Variants in JARID2 observed in about 807,000 individuals in gnomAD.
JARID2 encodes the protein protein Jumonji.
In JARID2, 21 loss-of-function variants were observed where a neutral mutation model predicts 125.6. That is an observed-to-expected ratio of 0.17 (90% CI 0.12 to 0.24). JARID2 has a LOEUF of 0.24. Ranked by LOEUF, JARID2 falls within the 10% of genes least tolerant of loss-of-function variation. The pLI is 1.00. For synonymous variants in JARID2, 736 were observed against 661.6 expected (o/e 1.11, Z -1.73); for missense variants, 1,303 against 1,639.6 (o/e 0.79, Z 3.55).
rs1217645816 is a variant in JARID2 at position 15,248,633 on chromosome 6, G to T, written c.45+2049G>T. 4 of 151,504 alleles carry T rather than the reference G, an allele frequency of 2.6e-5. No individual in the cohort carries two copies. In the East Asian group the frequency reaches 5.9e-4, roughly 22 times the overall value. 9.4% of individuals were successfully genotyped at this position (151,504 alleles called of 1,614,324 possible). A position where few individuals can be genotyped will look rare whatever the true frequency, so the allele number is the denominator to read the frequency against. Reference sequence around the variant, plus strand: ...CGAGACGTCAGCGCGCCCCCTCTCCGCCCCCCGGTTCTTCCCCCGCCGCGC... The same window carrying T: ...CGAGACGTCAGCGCGCCCCCTCTCCTCCCCCCGGTTCTTCCCCCGCCGCGC... On this transcript the variant is annotated intron_variant, in intron 1 of 17. Transcript: ENST00000341776.
rs112303618 is a variant in JARID2, at chr6:15,520,689, G to GCACACA, written c.*450_*455dup. On this transcript the variant is annotated 3_prime_UTR_variant, in exon 18 of 18. Coordinates refer to ENST00000341776, the MANE Select transcript of JARID2 (RefSeq NM_004973.4). ...TTTAGAAGGGATAGGAGACACACGC[G>GCACACA]CACACACACACACACACGAAACTTG... 4.1e-5 allele frequency: 16 copies of GCACACA among 391,926 alleles called. No individual in the cohort carries two copies. Among genetic ancestry groups the GCACACA allele is most frequent in the Admixed American group, 8.3e-5 (3 of 36,320 alleles). The allele number at this position is 391,926 out of a possible 1,614,324, so 24.3% of individuals were successfully genotyped here.
chr6:15,295,414 C>T (rs192558185), intron 1 of JARID2, among the ~76,000 whole-genome samples: 601 of 152,190 alleles, frequency 3.9e-3, no homozygotes, highest in Middle Eastern at 6.8e-3. Flanking sequence ...AGCCACTGCT[C>T]CTGTCATTTC....
chr6:15,320,874 G>GTGTGTGTA (rs1265024179), intron 1 of JARID2, among the ~76,000 whole-genome samples: 5 of 151,874 alleles, frequency 3.3e-5, no homozygotes, highest in African/African-American at 1.2e-4. Context: ...GTGTGTGTGT[G>GTGTGTGTA]TGTGTGTGTT....
chr6:15,259,990 T>C (rs1176742372), intron 1 of JARID2, among the ~76,000 whole-genome samples: 2 of 152,206 alleles, frequency 1.3e-5, no homozygotes, highest in African/African-American at 2.4e-5. Context: ...GTGTTTTTGC[T>C]TTTGGTTTGA....
chr6:15,520,172 G>T lies in JARID2; in HGVS notation c.3662G>T (p.Arg1221Leu). The change falls in exon 18 of 18, where the codon CGC becomes CTC. Residue 1221 changes from arginine to leucine, a missense_variant. Transcript: ENST00000341776. ...AAACCCACACCAAAAAGAGGTCCCC[G>T]CAAGAGAGCGACAGTGGACGTGCCC... is the stretch of plus-strand genomic sequence containing the variant. ...LSKPTPKRGPRKRATVDVPPS... is the reference protein window; with the variant it reads ...LSKPTPKRGPLKRATVDVPPS... 1 of 1,614,000 alleles carries T rather than the reference G, an allele frequency of 6.2e-7. No homozygotes were observed. The highest frequency in any genetic ancestry group is 8.5e-7 in the Non-Finnish European group (1 of 1,179,946).
chr6:15,455,829 A>C (rs1467455740), intron 4 of JARID2, among the ~76,000 whole-genome samples: 1 of 152,226 alleles, frequency 6.6e-6, no homozygotes, highest in Non-Finnish European at 1.5e-5. Flanking sequence ...TGCCCGGCGA[A>C]GCCAGGTTCT....
At chr6:15,505,667 C>A (rs1367102817) in intron 9 of JARID2, among the ~76,000 whole-genome samples, 2 of 152,262 alleles carry the variant, frequency 1.3e-5, no homozygotes, top group East Asian at 1.9e-4. Flanking sequence ...TCTCTGCTTA[C>A]GTGCAGGGGC....
At chr6:15,415,231 G>A (rs935808048) in intron 3 of JARID2, among the ~76,000 whole-genome samples, 6 of 152,294 alleles carry the variant, frequency 3.9e-5, no homozygotes, top group Non-Finnish European at 5.9e-5. Flanking sequence ...CACAGACATG[G>A]CAACCATCCG....
At chr6:15,262,227 G>C (rs1020387616) in intron 1 of JARID2, among the ~76,000 whole-genome samples, 7 of 149,326 alleles carry the variant, frequency 4.7e-5, no homozygotes, top group Non-Finnish European at 1.0e-4. Flanking sequence ...GTGTTTCCTC[G>C]GTGGGTCTTA....
In JARID2 at chr6:15,496,911, C is replaced by T. The variant is rs1481804496; in HGVS notation, c.1686C>T (p.Pro562=). 4.4e-6 allele frequency: 7 copies of T among 1,601,758 alleles called. No individual in the cohort carries two copies. In the African/African-American group the frequency reaches 6.7e-5, roughly 15 times the overall value. The change falls in exon 7 of 18, where the codon CCC becomes CCT. Residue 562 remains proline (P), a synonymous_variant. Coordinates refer to ENST00000341776, the MANE Select transcript of JARID2 (RefSeq NM_004973.4). The part of the protein sequence containing the change: ...AAMDEIPVLR[P]SAKEFHDPLI... ...TGGACGAGATCCCCGTCCTCAGGCC[C>T]TCCGCCAAGGAGTTCCACGATCCGC...
chr6:15,412,185 T>TAC (rs1158758146), intron 3 of JARID2, among the ~76,000 whole-genome samples: 2 of 152,152 alleles, frequency 1.3e-5, no homozygotes, highest in African/African-American at 4.8e-5. Flanking sequence ...TCATCAAGGT[T>TAC]TTATGTGGAT....
chr6:15,375,192 C>T (rs1160672283), intron 2 of JARID2, among the ~76,000 whole-genome samples: 1 of 152,138 alleles, frequency 6.6e-6, no homozygotes, highest in East Asian at 1.9e-4. Context: ...AACTAGTGTT[C>T]ACAGGCACTA....
rs559762350 is a variant in JARID2, at chr6:15,246,311, ATTT to A, written c.-222_-220del. ...CATTATGAGTGTTTTACTAAAGTGA[ATTT>A]TTTTTTGTTTGCTTCGTTCGTCTTT... is the stretch of plus-strand genomic sequence containing the variant. On this transcript the variant is annotated 5_prime_UTR_variant, in exon 1 of 18. Transcript: ENST00000341776. 5 of 564,016 alleles carry A rather than the reference ATTT, an allele frequency of 8.9e-6. No individual in the cohort carries two copies. The highest frequency in any genetic ancestry group is 1.6e-5 in the Non-Finnish European group (5 of 321,062). The allele number at this position is 564,016 out of a possible 1,614,324, so 34.9% of individuals were successfully genotyped here.
chr6:15,287,877 G>A (rs1216859803), intron 1 of JARID2, among the ~76,000 whole-genome samples: 1 of 152,194 alleles, frequency 6.6e-6, no homozygotes, highest in Non-Finnish European at 1.5e-5. Flanking sequence ...TTCCCCATTT[G>A]TGAGCTCTGT....
At chr6:15,283,493 A>G (rs924943945) in intron 1 of JARID2, among the ~76,000 whole-genome samples, 10 of 140,644 alleles carry the variant, frequency 7.1e-5, no homozygotes, top group Non-Finnish European at 1.4e-4. Flanking sequence ...GGCATGCACC[A>G]GCTACGCCCG....
Position 15,354,734 on chromosome 6 carries a change from G to A in JARID2, c.46-19383G>A, listed in dbSNP as rs562856981. On this transcript the variant is annotated intron_variant, in intron 1 of 17. Transcript: ENST00000341776. ...GCTACTTAGCTGGGTTAGGCCACATGACTGGTGAAATTCAGCTGGTAATGT... is the reference window on the plus strand; with the variant it reads ...GCTACTTAGCTGGGTTAGGCCACATAACTGGTGAAATTCAGCTGGTAATGT... 7.6e-4 allele frequency among the ~76,000 whole-genome samples: 116 copies of A among 152,266 alleles called. 1 individual carries two copies. Among genetic ancestry groups the A allele is most frequent in the Non-Finnish European group, 1.5e-3 (99 of 68,026 alleles).
At chr6:15,285,669 G>A (rs1760970520) in intron 1 of JARID2, among the ~76,000 whole-genome samples, 1 of 151,996 alleles carries the variant, frequency 6.6e-6, no homozygotes, top group Non-Finnish European at 1.5e-5. Flanking sequence ...ACCTTTTCTA[G>A]TTCTCTAACA....
chr6:15,400,720 TC>T (rs1388810240), intron 2 of JARID2: 1 of 808,622 alleles, frequency 1.2e-6, no homozygotes, highest in African/African-American at 1.9e-5. Flanking sequence ...GGTGTTCGAT[TC>T]CCTCCCTTGC....
intron 1 of JARID2, among the ~76,000 whole-genome samples, chr6:15,344,284 C>T (rs1763172791): frequency 6.6e-6 from 1 of 151,998 alleles, no homozygotes; most frequent in South Asian, 2.1e-4. Context: ...TCCTCTCTAA[C>T]ATTCTGTCAT....
Sources: allele counts gnomAD v4.1 joint callset (sites outside exome capture counted in the v4.1 genomes callset), GRCh38; gene constraint gnomAD v4.1.1; transcripts MANE v1.5; gene names NCBI Gene and HGNC (gene_info 2026-07-23, HGNC 2026-07-21).